ATP11B: variants seen among roughly 807,000 people sequenced by gnomAD.
The protein encoded by ATP11B is phospholipid-transporting ATPase IF.
Under a neutral mutation model 157.8 loss-of-function variants are expected in ATP11B, and 81 were observed. The observed-to-expected ratio is 0.51, with a 90% CI of 0.43 to 0.62. ATP11B has a LOEUF of 0.62. ATP11B is among the 20% of genes least tolerant of loss of function. ATP11B has a pLI of 0.00. For missense variants in ATP11B, 1,165 were observed against 1,402.2 expected, an observed-to-expected ratio of 0.83 and a Z score of 2.70; for synonymous variants, 451 against 469.4, an observed-to-expected ratio of 0.96 and a Z score of 0.51.
chr3:182,797,241 G>A (rs1190803393), intron 1 of ATP11B, among the ~76,000 whole-genome samples: 1 of 152,048 alleles, frequency 6.6e-6, no homozygotes, highest in Non-Finnish European at 1.5e-5. Context: ...TTGTGAACAT[G>A]TTCAAGCCTC....
At chr3:182,898,977 AT>A (rs1723759961) in intron 28 of ATP11B, among the ~76,000 whole-genome samples, 3 of 151,832 alleles carry the variant, frequency 2.0e-5, no homozygotes, top group South Asian at 2.1e-4. Context: ...CTGATAAGTT[AT>A]TTTTTTAATT....
At chr3:182,885,849 T>G in intron 22 of ATP11B, 102 bp from the exon 23 acceptor site, 16 of 683,522 alleles carry the variant, frequency 2.3e-5, no homozygotes, top group Non-Finnish European at 3.0e-5. Context: ...CCATACCAAC[T>G]GAGATTGTTT....
intron 12 of ATP11B, among the ~76,000 whole-genome samples, chr3:182,859,615 A>C (rs931265652): frequency 6.6e-6 from 1 of 152,182 alleles, no homozygotes; most frequent in African/African-American, 2.4e-5. Flanking sequence ...CATAACTCTT[A>C]CACTACTCTT....
chr3:182,860,339 G>T (rs537160318), intron 12 of ATP11B, among the ~76,000 whole-genome samples: 20 of 152,264 alleles, frequency 1.3e-4, no homozygotes, highest in African/African-American at 4.6e-4. Context: ...CTAGCCTCCA[G>T]TGTTGCTGTT....
chr3:182,876,834 A>G (rs549532600), intron 19 of ATP11B, among the ~76,000 whole-genome samples: 25 of 152,358 alleles, frequency 1.6e-4, no homozygotes, highest in Admixed American at 1.6e-3. Context: ...TAATTTTGGA[A>G]GGGATTCGAC....
chr3:182,805,288 AC>A (rs1425320884), intron 1 of ATP11B, among the ~76,000 whole-genome samples: 8 of 152,246 alleles, frequency 5.3e-5, no homozygotes, highest in Middle Eastern at 3.4e-3. Context: ...GCCAACACTT[AC>A]TTTTGTCTGT....
In ATP11B at chr3:182,869,265, A is replaced by G. The variant is rs1405371872; in HGVS notation, c.1800A>G (p.Ser600=). 13 of 1,611,116 alleles carry G rather than the reference A, an allele frequency of 8.1e-6. No homozygotes were observed. Among genetic ancestry groups the G allele is most frequent in the Middle Eastern group, 1.7e-4 (1 of 5,938 alleles). The change falls in exon 17 of 30, where the codon TCA becomes TCG. Residue 600 remains serine, a synonymous_variant. Transcript: ENST00000323116. ...KLLFAKGAES[S]ILPKCIGGEI... The stretch of plus-strand genomic sequence containing the variant: ...TATTTGCTAAAGGAGCTGAGTCATC[A>G]ATTCTCCCTAAATGTATAGGTGGAG...
Position 182,829,680 on chromosome 3 carries a change from T to TTTATAAATCTA in ATP11B, c.243_244insTTATAAATCTA (p.Asp82LeufsTer2). The TTTATAAATCTA allele has an allele frequency of 6.3e-7, 1 of 1,596,566 alleles. No homozygotes were observed. The highest frequency in any genetic ancestry group is 8.6e-7 in the Non-Finnish European group (1 of 1,167,016). ...CTTTTTTATAAATCTAGCTTATGAT[T>TTTATAAATCTA]GATACACCTACCAGTCCAGTTACCA... On this transcript the variant is annotated stop_gained and frameshift_variant, in exon 4 of 30. Transcript: ENST00000323116. LOFTEE classifies it high-confidence loss of function.
intron 23 of ATP11B, among the ~76,000 whole-genome samples, chr3:182,886,540 A>G (rs2108566513): frequency 6.6e-6 from 1 of 152,166 alleles, no homozygotes; most frequent in East Asian, 1.9e-4. Context: ...AATAGTTGTA[A>G]TGGGCACAAG....
intron 10 of ATP11B, among the ~76,000 whole-genome samples, chr3:182,849,542 G>T (rs1719802480): frequency 6.6e-6 from 1 of 152,102 alleles, no homozygotes; most frequent in Non-Finnish European, 1.5e-5. Context: ...AGGGCCTAAA[G>T]GAAAATTTGA....
Position 182,918,117 on chromosome 3 carries a change from A to G in ATP11B, c.*13A>G. 1 of 1,612,018 alleles carries G rather than the reference A, an allele frequency of 6.2e-7. No homozygotes were observed. The highest frequency in any genetic ancestry group is 8.5e-7 in the Non-Finnish European group (1 of 1,178,820). ...ATCTACTTGTTAAAGGGGCAGTAGT[A>G]CTTTGTGGGAGCCAGTTCACCTCCT... On this transcript the variant is annotated 3_prime_UTR_variant, in exon 30 of 30. Coordinates refer to ENST00000323116, the MANE Select transcript of ATP11B (RefSeq NM_014616.3).
intron 2 of ATP11B, among the ~76,000 whole-genome samples, chr3:182,826,344 C>T (rs1717721019): frequency 6.6e-6 from 1 of 152,208 alleles, no homozygotes. Context: ...TAGCTGTTCT[C>T]TTCAGGATTC....
At chr3:182,902,572 G>A in intron 28 of ATP11B, 1 of 1,287,476 alleles carries the variant, frequency 7.8e-7, no homozygotes, top group Middle Eastern at 2.1e-4. Flanking sequence ...CTTAGGTAGA[G>A]TAGGAGGAGT....
chr3:182,825,575 T>C (rs1052024789), intron 2 of ATP11B, among the ~76,000 whole-genome samples: 4 of 151,928 alleles, frequency 2.6e-5, no homozygotes, highest in African/African-American at 4.8e-5. Flanking sequence ...ACAAAAAAAT[T>C]AGCCAGGTGT....
intron 25 of ATP11B, among the ~76,000 whole-genome samples, chr3:182,894,846 C>T (rs1723423240): frequency 6.6e-6 from 1 of 151,692 alleles, no homozygotes; most frequent in African/African-American, 2.4e-5. Context: ...CAGCTGGGCA[C>T]ATGGCTCATA....
chr3:182,880,300 T>C (rs1722330423), intron 20 of ATP11B, among the ~76,000 whole-genome samples: 3 of 152,224 alleles, frequency 2.0e-5, no homozygotes, highest in African/African-American at 7.2e-5. Flanking sequence ...GTTTTTGGGC[T>C]TCCTGGAATT....
chr3:182,836,552 A>G (rs765498312), intron 6 of ATP11B, 82 bp downstream of exon 6: 4 of 1,541,190 alleles, frequency 2.6e-6, no homozygotes, highest in Non-Finnish European at 3.5e-6. Flanking sequence ...TGGTTAAAGT[A>G]GTAAAGTTTG....
chr3:182,834,287 C>T (rs895602940), intron 4 of ATP11B, among the ~76,000 whole-genome samples: 1 of 152,132 alleles, frequency 6.6e-6, no homozygotes, highest in African/African-American at 2.4e-5. Flanking sequence ...CATCTGAAAA[C>T]AGTATACCTT....
intron 1 of ATP11B, among the ~76,000 whole-genome samples, chr3:182,795,677 A>G (rs1056300497): frequency 2.0e-5 from 3 of 152,228 alleles, no homozygotes; most frequent in African/African-American, 7.2e-5. Context: ...ACTTGGGCCA[A>G]TGTAGGACTT....
Sources: gnomAD v4.1 joint callset for allele counts (sites outside exome capture counted in the v4.1 genomes callset) on GRCh38, gnomAD v4.1.1 for gene constraint, MANE v1.5 for transcripts, NCBI Gene and HGNC (gene_info 2026-07-23, HGNC 2026-07-21) for gene names.